The following TBC1D2 variants were observed in gnomAD, a reference collection of about 807,000 sequenced individuals.
TBC1D2 encodes TBC1 domain family member 2.
Under a neutral mutation model 91.1 loss-of-function variants are expected in TBC1D2, and 58 were observed. The ratio of observed to expected loss-of-function variants is 0.64; its 90% CI spans 0.52 to 0.79. The LOEUF is 0.79. Among genes scored for constraint, TBC1D2 ranks in the 30% least tolerant of loss-of-function variants. The pLI is 0.00. For synonymous variants in TBC1D2, 482 were observed against 511.5 expected, an observed-to-expected ratio of 0.94 and a Z score of 0.78; for missense variants, 1,080 against 1,208.3, an observed-to-expected ratio of 0.89 and a Z score of 1.57.
intron 6 of TBC1D2, among the ~76,000 whole-genome samples, chr9:98,219,450 T>C (rs753773680): frequency 6.6e-5 from 10 of 152,220 alleles, no homozygotes; most frequent in Non-Finnish European, 1.2e-4. Context: ...TATAAGTCTA[T>C]ATGTACAGTC....
chr9:98,233,345 G>A, intron 4 of TBC1D2, 71 bp downstream of exon 4: 1 of 1,537,782 alleles, frequency 6.5e-7, no homozygotes, highest in South Asian at 1.3e-5. Flanking sequence ...TCGCTGGAAG[G>A]AAAGAAGGCA....
chr9:98,233,240 A>G (rs1829415184), intron 4 of TBC1D2, among the ~76,000 whole-genome samples, 176 bp downstream of exon 4: 1 of 152,234 alleles, frequency 6.6e-6, no homozygotes, highest in African/African-American at 2.4e-5. Context: ...CACAACTGTG[A>G]GAAATAAGTA....
chr9:98,221,661 T>TTGCTCACC (rs1236510708), intron 5 of TBC1D2, among the ~76,000 whole-genome samples: 1 of 152,064 alleles, frequency 6.6e-6, no homozygotes, highest in Non-Finnish European at 1.5e-5. Context: ...CAGCTCAGAG[T>TTGCTCACC]TGCTCACCTA....
chr9:98,216,087 G>A (rs756812309), intron 6 of TBC1D2, among the ~76,000 whole-genome samples: 1 of 152,214 alleles, frequency 6.6e-6, no homozygotes. Context: ...TGGAAATTCT[G>A]TCTTGACCAC....
At chr9:98,210,507 C>A (rs1191518730) in intron 8 of TBC1D2, 149 bp downstream of exon 8, 10 of 775,716 alleles carry the variant, frequency 1.3e-5, no homozygotes. Context: ...TGAACCATCT[C>A]AGCTGCAGCC....
At chr9:98,241,287 T>C (rs1195134626) in intron 3 of TBC1D2, among the ~76,000 whole-genome samples, 1 of 152,218 alleles carries the variant, frequency 6.6e-6, no homozygotes, top group Non-Finnish European at 1.5e-5. Flanking sequence ...AACCATGTGA[T>C]GATACCACTT....
intron 1 of TBC1D2, among the ~76,000 whole-genome samples, chr9:98,253,160 G>T (rs894117691): frequency 6.6e-6 from 1 of 152,152 alleles, no homozygotes; most frequent in Non-Finnish European, 1.5e-5. Context: ...ATACAGGGGT[G>T]AGCCAACACA....
rs772097078 is a variant in TBC1D2, at chr9:98,244,074, C to A, written c.567G>T (p.Gly189=). ...EFLCPVKTPP[G]LVGVAAALQP... is the part of the protein sequence containing the mutation. ...GCAAGGCAGCTGCCACGCCCACTAG[C>A]CCAGGGGGTGTTTTCACAGGGCACA... The change falls in exon 3 of 13, where the codon GGG becomes GGT. Residue 189 remains glycine, a synonymous_variant. Transcript: ENST00000465784. 6.2e-7 allele frequency: 1 copy of A among 1,613,170 alleles called. No individual in the cohort carries two copies. The highest frequency in any genetic ancestry group is 1.3e-5 in the African/African-American group (1 of 75,064).
At chr9:98,216,312 G>A (rs1440681565) in intron 6 of TBC1D2, among the ~76,000 whole-genome samples, 1 of 151,788 alleles carries the variant, frequency 6.6e-6, no homozygotes, top group African/African-American at 2.4e-5. Context: ...TCCCCACCCT[G>A]CACCCACCCC....
chr9:98,219,690 G>C (rs143884414), intron 6 of TBC1D2, among the ~76,000 whole-genome samples: 1 of 152,226 alleles, frequency 6.6e-6, no homozygotes, highest in Non-Finnish European at 1.5e-5. Context: ...CTAAACACAT[G>C]TAAACATAGA....
intron 5 of TBC1D2, among the ~76,000 whole-genome samples, chr9:98,226,226 A>G (rs1829230437): frequency 6.6e-6 from 1 of 152,200 alleles, no homozygotes; most frequent in African/African-American, 2.4e-5. Context: ...CTAATGTGGA[A>G]TGAAGACCTA....
At chr9:98,213,575 G>A in intron 6 of TBC1D2, 1 of 275,610 alleles carries the variant, frequency 3.6e-6, no homozygotes, top group Non-Finnish European at 6.5e-6. Flanking sequence ...GATAATGTGT[G>A]ACAACACTAA....
chr9:98,249,962 C>CA (rs1364747680), intron 2 of TBC1D2, among the ~76,000 whole-genome samples: 1 of 151,488 alleles, frequency 6.6e-6, no homozygotes, highest in Non-Finnish European at 1.5e-5. Flanking sequence ...CACAGGCAAC[C>CA]AAAAAAAAGT....
At chr9:98,221,644 TGCCCCCCA>T (rs1037890651) in intron 5 of TBC1D2, among the ~76,000 whole-genome samples, 31 of 152,342 alleles carry the variant, frequency 2.0e-4, no homozygotes, top group African/African-American at 7.5e-4. Context: ...GAGAAAGGGC[TGCCCCCCA>T]GCTCAGAGTT....
At chr9:98,208,565 C>CA in intron 9 of TBC1D2, 103 bp downstream of exon 9, 1 of 1,145,144 alleles carries the variant, frequency 8.7e-7, no homozygotes, top group Admixed American at 2.6e-5. Context: ...TGCTGTGCGG[C>CA]CCCTTAACAG....
rs36035887 is a variant in TBC1D2, at chr9:98,242,803, CTTTTTTTT to C, written c.647+1183_647+1190del. Among the ~76,000 whole-genome samples the C allele has an allele frequency of 1.9e-3, 157 of 83,166 alleles. 1 individual carries two copies. The highest frequency in any genetic ancestry group is 6.9e-3 in the African/African-American group (131 of 19,050). 54.6% of individuals were successfully genotyped at this position (83,166 alleles called of 152,430 possible). On this transcript the variant is annotated intron_variant, in intron 3 of 12. Transcript: ENST00000465784. ...TCCAAAGCCCAGGCCACACTGCTGC[CTTTTTTTT>C]TTTTTTTTTTTTTTTTTTTGAGACA... is the stretch of plus-strand genomic sequence containing the variant.
Position 98,208,843 on chromosome 9 carries a change from C to A in TBC1D2, c.1975G>T (p.Gly659Cys). The change falls in exon 9 of 13, where the codon GGC (glycine) becomes TGC (cysteine). Residue 659 changes from glycine to cysteine, a missense_variant. Physicochemically the swap from Gly to Cys is radical, Grantham distance 159. Transcript: ENST00000465784. ...PGCYQELLSR[G>C]QAREHPAARQ... The stretch of plus-strand genomic sequence containing the variant: ...GCAGCAGGGTGCTCGCGGGCCTGGC[C>A]CCGGCTCAGCAGTTCCTGGTAGCAG... The A allele has an allele frequency of 6.2e-7, 1 of 1,610,740 alleles. No homozygotes were observed. The highest frequency in any genetic ancestry group is 8.5e-7 in the Non-Finnish European group (1 of 1,177,358).
At chr9:98,216,978 G>A (rs1297769245) in intron 6 of TBC1D2, among the ~76,000 whole-genome samples, 3 of 152,186 alleles carry the variant, frequency 2.0e-5, no homozygotes, top group Non-Finnish European at 2.9e-5. Flanking sequence ...ACTGGATTGT[G>A]AGCCACCACG....
chr9:98,243,534 ATT>A (rs368728395), intron 3 of TBC1D2, among the ~76,000 whole-genome samples: 245 of 125,250 alleles, frequency 2.0e-3, no homozygotes, highest in African/African-American at 6.6e-3. Context: ...CAATGAATGT[ATT>A]TTTTTTTTTT....
Sources: allele counts gnomAD v4.1 joint callset (sites outside exome capture counted in the v4.1 genomes callset), GRCh38; gene constraint gnomAD v4.1.1; transcripts MANE v1.5; gene names NCBI Gene and HGNC (gene_info 2026-07-23, HGNC 2026-07-21).